Variants in PRIM2 observed in about 807,000 individuals in gnomAD.
PRIM2 encodes DNA primase subunit 2.
Under a neutral mutation model 67.3 loss-of-function variants are expected in PRIM2, and 39 were observed. The observed-to-expected ratio is 0.58, with a 90% CI of 0.45 to 0.76. The LOEUF is 0.76. Ranked by LOEUF, PRIM2 falls within the 30% of genes least tolerant of loss-of-function variation. The pLI is 0.00. For synonymous variants in PRIM2, 143 were observed against 198.7 expected (o/e 0.72, Z 2.36); for missense variants, 398 against 598.7 (o/e 0.66, Z 3.50).
At chr6:57,627,676 C>T (rs1252470805) in intron 12 of PRIM2, among the ~76,000 whole-genome samples, 11 of 152,074 alleles carry the variant, frequency 7.2e-5, no homozygotes, top group Non-Finnish European at 1.5e-4. Context: ...TGTGAGCCAC[C>T]GTGCCCGTCC....
the PRIM2 span, among the ~76,000 whole-genome samples, chr6:57,242,996 G>T: frequency 6.6e-6 from 1 of 152,114 alleles, no homozygotes; most frequent in African/African-American, 2.4e-5. Flanking sequence ...TCTCCAATTC[G>T]ATATCAACTA....
At chr6:57,374,055 G>T (rs116781582) in intron 5 of PRIM2, among the ~76,000 whole-genome samples, 1 of 152,014 alleles carries the variant, frequency 6.6e-6, no homozygotes, top group Non-Finnish European at 1.5e-5. Flanking sequence ...ACATTTTCAT[G>T]ATACTGATTC....
At chr6:57,613,198 AC>A (rs1340864334) in intron 12 of PRIM2, among the ~76,000 whole-genome samples, 2 of 152,126 alleles carry the variant, frequency 1.3e-5, no homozygotes, top group East Asian at 1.9e-4. Flanking sequence ...TATATCAGGA[AC>A]TTAAAGTATA....
chr6:57,559,126 C>T (rs1287536392), intron 10 of PRIM2, among the ~76,000 whole-genome samples: 1 of 145,220 alleles, frequency 6.9e-6, no homozygotes, highest in Non-Finnish European at 1.5e-5. Flanking sequence ...TGACACCCTG[C>T]GTCTTAAAGA....
intron 7 of PRIM2, among the ~76,000 whole-genome samples, chr6:57,474,395 C>G (rs1773422639): frequency 6.6e-6 from 1 of 152,090 alleles, no homozygotes; most frequent in Non-Finnish European, 1.5e-5. Context: ...AGGATGGTCT[C>G]TATCTCCTGA....
chr6:57,636,058 A>G (rs1268847704), intron 13 of PRIM2, among the ~76,000 whole-genome samples: 2 of 152,234 alleles, frequency 1.3e-5, no homozygotes, highest in African/African-American at 4.8e-5. Context: ...CTGAAACACT[A>G]GGACCAAGCT....
intron 10 of PRIM2, among the ~76,000 whole-genome samples, chr6:57,584,274 C>T (rs1489936172): frequency 2.0e-5 from 3 of 152,190 alleles, no homozygotes; most frequent in Admixed American, 6.5e-5. Flanking sequence ...ACTAGCCAGC[C>T]TACCTCCAGT....
At chr6:57,472,544 T>G (rs1773363122) in intron 7 of PRIM2, among the ~76,000 whole-genome samples, 1 of 152,214 alleles carries the variant, frequency 6.6e-6, no homozygotes, top group Admixed American at 6.5e-5. Context: ...AGCACTTCAG[T>G]TATCACTTGA....
rs1232772099 is a variant in PRIM2 at position 57,511,294 on chromosome 6, A to C, written c.761+3840A>C. Among the ~76,000 whole-genome samples the C allele has an allele frequency of 6.6e-5, 10 of 152,282 alleles. No individual in the cohort carries two copies. In the East Asian group the frequency reaches 1.9e-3, roughly 29 times the overall value. On this transcript the variant is annotated intron_variant, in intron 8 of 13. Transcript: ENST00000615550. ...GTACAGAAAAACATCGTGCTTCAATATCTTATGGCAGTACAACTGTGTTTT... is the reference window on the plus strand; with the variant it reads ...GTACAGAAAAACATCGTGCTTCAATCTCTTATGGCAGTACAACTGTGTTTT...
chr6:57,480,946 T>C (rs1773609956), intron 7 of PRIM2, among the ~76,000 whole-genome samples: 1 of 152,162 alleles, frequency 6.6e-6, no homozygotes, highest in Non-Finnish European at 1.5e-5. Flanking sequence ...ATTTTCTTAT[T>C]TCAAGAATAT....
intron 7 of PRIM2, among the ~76,000 whole-genome samples, chr6:57,476,311 T>A (rs1773476956): frequency 6.6e-6 from 1 of 152,312 alleles, no homozygotes; most frequent in South Asian, 2.1e-4. Flanking sequence ...GCTACCAAAA[T>A]TGCGCAGTGA....
chr6:57,325,151 A>G (rs907413956), intron 4 of PRIM2, among the ~76,000 whole-genome samples: 1 of 152,224 alleles, frequency 6.6e-6, no homozygotes, highest in Non-Finnish European at 1.5e-5. Context: ...TATCAATTAT[A>G]AAGCCATAAG....
chr6:57,445,914 A>AT (rs1772349514), intron 7 of PRIM2, among the ~76,000 whole-genome samples: 1 of 152,180 alleles, frequency 6.6e-6, no homozygotes, highest in Non-Finnish European at 1.5e-5. Context: ...AAGGAAGAAC[A>AT]TTGTTCTCCC....
chr6:57,281,404 A>G, the PRIM2 span, among the ~76,000 whole-genome samples: 50 of 152,324 alleles, frequency 3.3e-4, no homozygotes, highest in African/African-American at 1.1e-3. Context: ...GTACTAGTTT[A>G]CATTCCCACC....
the PRIM2 span, among the ~76,000 whole-genome samples, chr6:57,266,885 A>G: frequency 1.8e-4 from 27 of 152,300 alleles, no homozygotes; most frequent in Non-Finnish European, 3.2e-4. Flanking sequence ...AAAAATAGTT[A>G]AAAAAAGTTA....
chr6:57,293,169 G>T, the PRIM2 span, among the ~76,000 whole-genome samples: 1 of 152,098 alleles, frequency 6.6e-6, no homozygotes, highest in Admixed American at 6.5e-5. Context: ...TCAAAACGTG[G>T]GCAAAGGATA....
chr6:57,291,140 A>G, the PRIM2 span, among the ~76,000 whole-genome samples: 2 of 152,220 alleles, frequency 1.3e-5, no homozygotes, highest in African/African-American at 2.4e-5. Flanking sequence ...AGAATCAAGT[A>G]GACACAATAA....
chr6:57,491,440 C>CAT (rs1773888743), intron 7 of PRIM2, among the ~76,000 whole-genome samples: 1 of 152,176 alleles, frequency 6.6e-6, no homozygotes, highest in East Asian at 1.9e-4. Flanking sequence ...GGTCATGATA[C>CAT]ATAACCTTGT....
intron 7 of PRIM2, among the ~76,000 whole-genome samples, chr6:57,487,062 C>T (rs1459207028): frequency 1.5e-4 from 23 of 152,120 alleles, no homozygotes; most frequent in African/African-American, 5.3e-4. Flanking sequence ...GTCATTGTTA[C>T]ATCAGGAAAA....
Sources: allele counts gnomAD v4.1 joint callset (sites outside exome capture counted in the v4.1 genomes callset), GRCh38; gene constraint gnomAD v4.1.1; transcripts MANE v1.5; gene names NCBI Gene and HGNC (gene_info 2026-07-23, HGNC 2026-07-21).